The following SPIRE1 variants were observed in gnomAD, a reference collection of about 807,000 sequenced individuals.
SPIRE1 encodes protein spire homolog 1.
A neutral mutation model predicts 94.1 loss-of-function variants in SPIRE1; 40 were observed. The ratio of observed to expected loss-of-function variants is 0.43; its 90% CI spans 0.33 to 0.55. The LOEUF (loss-of-function observed/expected upper bound fraction) is 0.55. SPIRE1 is among the 20% of genes least tolerant of loss of function. The probability of loss-of-function intolerance (pLI) is 0.06; values close to 1 mark genes in which losing one functional copy is unlikely to be tolerated. For missense variants in SPIRE1, 838 were observed against 975.2 expected (o/e 0.86, Z 1.87); for synonymous variants, 376 against 371.7 (o/e 1.01, Z -0.13).
chr18:12,654,981 C>T (rs1019015555), intron 1 of SPIRE1, among the ~76,000 whole-genome samples: 3 of 150,958 alleles, frequency 2.0e-5, no homozygotes, highest in Admixed American at 6.6e-5. Flanking sequence ...TGAGCCAAGA[C>T]TGTTCTACAG....
At chr18:12,654,389 G>T (rs1005090439) in intron 1 of SPIRE1, among the ~76,000 whole-genome samples, 8 of 148,872 alleles carry the variant, frequency 5.4e-5, no homozygotes, top group African/African-American at 2.0e-4. Context: ...GCTCACGCCT[G>T]TAATCCCAGC....
intron 1 of SPIRE1, among the ~76,000 whole-genome samples, chr18:12,650,146 C>A (rs1223798382): frequency 1.3e-5 from 2 of 151,488 alleles, no homozygotes; most frequent in African/African-American, 4.9e-5. Context: ...GGCTGAGGTG[C>A]GAGAATTGCT....
intron 5 of SPIRE1, 115 bp from the exon 6 acceptor site, chr18:12,506,756 C>CA (rs2033849563): frequency 4.8e-6 from 5 of 1,033,172 alleles, no homozygotes; most frequent in Non-Finnish European, 7.1e-6. Flanking sequence ...AGTAAACCAA[C>CA]AAAAAACTAT....
chr18:12,477,028 G>A (rs998020732), intron 10 of SPIRE1, among the ~76,000 whole-genome samples: 9 of 152,136 alleles, frequency 5.9e-5, no homozygotes, highest in African/African-American at 2.2e-4. Context: ...GCCTCTCTTT[G>A]ATTAAGAAGA....
chr18:12,564,859 C>T (rs2035777613), intron 2 of SPIRE1, among the ~76,000 whole-genome samples: 1 of 151,444 alleles, frequency 6.6e-6, no homozygotes, highest in Non-Finnish European at 1.5e-5. Flanking sequence ...AACTGAAAAG[C>T]AAAGAGAACA....
At chr18:12,464,523 G>T (rs2032007993) in intron 11 of SPIRE1, among the ~76,000 whole-genome samples, 1 of 152,064 alleles carries the variant, frequency 6.6e-6, no homozygotes, top group Non-Finnish European at 1.5e-5. Flanking sequence ...GGTGGTAGGT[G>T]GAATGATAAT....
At chr18:12,588,906 A>T (rs567704871) in intron 2 of SPIRE1, among the ~76,000 whole-genome samples, 1 of 152,314 alleles carries the variant, frequency 6.6e-6, no homozygotes, top group South Asian at 2.1e-4. Context: ...CTCTCAAGGT[A>T]CAAACATCTT....
At chr18:12,593,563 C>T (rs995802916) in intron 2 of SPIRE1, among the ~76,000 whole-genome samples, 1 of 152,216 alleles carries the variant, frequency 6.6e-6, no homozygotes, top group Non-Finnish European at 1.5e-5. Flanking sequence ...CCGCTATATA[C>T]CCAGCATTAC....
chr18:12,634,659 G>A (rs987980596), intron 2 of SPIRE1, among the ~76,000 whole-genome samples: 1 of 152,132 alleles, frequency 6.6e-6, no homozygotes, highest in African/African-American at 2.4e-5. Flanking sequence ...TCAGGGCCAG[G>A]TGCGGTGACT....
intron 2 of SPIRE1, among the ~76,000 whole-genome samples, chr18:12,574,727 GAGA>G (rs1420230564): frequency 2.0e-5 from 3 of 152,294 alleles, no homozygotes; most frequent in Admixed American, 6.5e-5. Flanking sequence ...ATGCACACAG[GAGA>G]AGAAGAACTA....
At chr18:12,547,024 A>G (rs150438672) in intron 2 of SPIRE1, 120 bp from the exon 3 acceptor site, 187 of 612,396 alleles carry the variant, frequency 3.1e-4, no homozygotes, top group Admixed American at 1.7e-3. Context: ...CACATACACA[A>G]ACCCTTTTTA....
At chr18:12,475,855 T>C (rs2032548971) in intron 10 of SPIRE1, among the ~76,000 whole-genome samples, 1 of 152,208 alleles carries the variant, frequency 6.6e-6, no homozygotes, top group African/African-American at 2.4e-5. Context: ...CAAGATCAAG[T>C]GTCCATTCCA....
At chr18:12,521,265 G>A (rs1049678777) in intron 4 of SPIRE1, among the ~76,000 whole-genome samples, 29 of 151,786 alleles carry the variant, frequency 1.9e-4, no homozygotes, top group African/African-American at 7.0e-4. Context: ...CTTGCATAGG[G>A]CTAACTGAAA....
intron 3 of SPIRE1, among the ~76,000 whole-genome samples, chr18:12,541,722 T>C (rs916996080): frequency 6.6e-6 from 1 of 152,148 alleles, no homozygotes; most frequent in Admixed American, 6.5e-5. Flanking sequence ...AAACAATGTA[T>C]GATTGGATTT....
chr18:12,496,515 C>G (rs1173520630), intron 6 of SPIRE1, among the ~76,000 whole-genome samples: 1 of 152,166 alleles, frequency 6.6e-6, no homozygotes, highest in Non-Finnish European at 1.5e-5. Context: ...AGGCGGAACC[C>G]CTGAGGTAGG....
intron 4 of SPIRE1, among the ~76,000 whole-genome samples, chr18:12,525,738 TTC>T (rs1312479105): frequency 6.6e-6 from 1 of 152,146 alleles, no homozygotes. Context: ...TTACCAAGAT[TTC>T]TGTTTTAAAG....
intron 2 of SPIRE1, among the ~76,000 whole-genome samples, chr18:12,610,543 T>C (rs2037109583): frequency 6.6e-6 from 1 of 152,252 alleles, no homozygotes; most frequent in East Asian, 1.9e-4. Flanking sequence ...TTGTACTCAT[T>C]TGGACAGACC....
intron 4 of SPIRE1, among the ~76,000 whole-genome samples, chr18:12,531,880 C>G (rs1473999941): frequency 6.6e-6 from 1 of 152,168 alleles, no homozygotes; most frequent in East Asian, 1.9e-4. Flanking sequence ...CTGCACAGCA[C>G]AGGCTCACCA....
intron 2 of SPIRE1, among the ~76,000 whole-genome samples, chr18:12,591,030 A>G (rs541378681): frequency 1.1e-4 from 16 of 152,222 alleles, no homozygotes; most frequent in Non-Finnish European, 2.4e-4. Context: ...GAGAGAGGCA[A>G]TAAGATTAAT....
Sources: allele counts gnomAD v4.1 joint callset (sites outside exome capture counted in the v4.1 genomes callset), GRCh38; gene constraint gnomAD v4.1.1; transcripts MANE v1.5; gene names NCBI Gene and HGNC (gene_info 2026-07-23, HGNC 2026-07-21).